The following LRRC7 variants were observed in gnomAD, a reference collection of about 807,000 sequenced individuals.
LRRC7 encodes the protein leucine-rich repeat-containing protein 7.
Under a neutral mutation model 175.7 loss-of-function variants are expected in LRRC7, and 23 were observed. That is an observed-to-expected ratio of 0.13 (90% confidence interval 0.09 to 0.19). The LOEUF (loss-of-function observed/expected upper bound fraction) is 0.19, where lower values mean the gene tolerates loss of function less well. Ranked by LOEUF, LRRC7 falls within the 10% of genes least tolerant of loss-of-function variation. The pLI is 1.00. For missense variants in LRRC7, 1,354 were observed against 1,904.7 expected (o/e 0.71, Z 5.38); for synonymous variants, 685 against 680.9 (o/e 1.01, Z -0.09).
At chr1:69,981,205 G>A (rs952064452) in intron 9 of LRRC7, among the ~76,000 whole-genome samples, 2 of 152,144 alleles carry the variant, frequency 1.3e-5, no homozygotes, top group African/African-American at 4.8e-5. Context: ...CCTGGCATTG[G>A]TCTAAGTAGC....
chr1:69,854,191 A>C (rs1355218510), intron 7 of LRRC7, among the ~76,000 whole-genome samples: 2 of 152,132 alleles, frequency 1.3e-5, no homozygotes, highest in Non-Finnish European at 2.9e-5. Context: ...TGTATTACTA[A>C]ACAAATAAGA....
At chr1:70,081,793 C>G (rs1663232525) in intron 24 of LRRC7, among the ~76,000 whole-genome samples, 1 of 152,152 alleles carries the variant, frequency 6.6e-6, no homozygotes, top group Non-Finnish European at 1.5e-5. Context: ...ATGGCAGGAG[C>G]CCAACCAACC....
At chr1:69,902,641 A>G (rs552393068) in intron 7 of LRRC7, among the ~76,000 whole-genome samples, 3 of 152,330 alleles carry the variant, frequency 2.0e-5, no homozygotes, top group Non-Finnish European at 4.4e-5. Flanking sequence ...GTACAAAAGT[A>G]AAGAGACTAG....
chr1:69,931,484 G>A lies in LRRC7; in HGVS notation c.648-23G>A, dbSNP rs1428262594. ...ATGTATCATGCACTACCTCACAATA[G>A]TATTTTTCTCCATCTGTTGTAGGTC... On this transcript the variant is annotated intron_variant, in intron 7 of 26. Coordinates refer to ENST00000651989, the MANE Select transcript of LRRC7 (RefSeq NM_001370785.2). 2.5e-6 allele frequency: 4 copies of A among 1,601,556 alleles called. 1 individual carries two copies. The highest frequency in any genetic ancestry group is 2.2e-5 in the East Asian group (1 of 44,768).
intron 8 of LRRC7, among the ~76,000 whole-genome samples, chr1:69,945,977 C>A (rs2101809941): frequency 6.6e-6 from 1 of 152,146 alleles, no homozygotes; most frequent in African/African-American, 2.4e-5. Flanking sequence ...CTTTTTCTTG[C>A]CTAATTTCTA....
At chr1:69,995,686 G>A (rs1013672017) in intron 11 of LRRC7, among the ~76,000 whole-genome samples, 3 of 152,022 alleles carry the variant, frequency 2.0e-5, no homozygotes, top group Admixed American at 1.3e-4. Flanking sequence ...AGTTTACTCA[G>A]AATGATGATT....
In LRRC7 at chr1:70,128,527, T is replaced by G. The variant is rs1472465120; in HGVS notation, c.*6640T>G. 1 of 152,228 alleles carries G rather than the reference T, an allele frequency of 6.6e-6. No homozygotes were observed. Among genetic ancestry groups the G allele is most frequent in the Non-Finnish European group, 1.5e-5 (1 of 68,038 alleles). 9.4% of individuals were successfully genotyped at this position (152,228 alleles called of 1,614,324 possible). A position where few individuals can be genotyped will look rare whatever the true frequency, so the allele number is the denominator to read the frequency against. On this transcript the variant is annotated 3_prime_UTR_variant, in exon 27 of 27. Transcript: ENST00000651989. ...TTATTTTCATAGCAAACTCTTGTAC[T>G]TCCTCCACAGGAAAACATTTACTGT... is the stretch of plus-strand genomic sequence containing the variant.
chr1:70,039,554 A>G lies in LRRC7; in HGVS notation c.3730A>G (p.Ser1244Gly). 2 of 1,614,154 alleles carry G rather than the reference A, an allele frequency of 1.2e-6. No individual in the cohort carries two copies. Among genetic ancestry groups the G allele is most frequent in the Non-Finnish European group, 1.7e-6 (2 of 1,180,018 alleles). The change falls in exon 21 of 27, where the codon AGT becomes GGT. Residue 1244 changes from serine to glycine, a missense_variant. By Grantham distance (56) the Ser-to-Gly change is moderately conservative (BLOSUM62 0). Around this residue, in one of 4 missense-constraint regions of LRRC7, gnomAD observed 1,032 missense variants for 1,227.2 expected, o/e 0.84. Transcript: ENST00000651989. The stretch of plus-strand genomic sequence containing the variant: ...GAGGCCATTGTCTGCGAGAAGCTAC[A>G]GTACAGAGAGTTACGGTGCCTCCCA... ...QRRPLSARSY[S>G]TESYGASQTR...
intron 26 of LRRC7, among the ~76,000 whole-genome samples, chr1:70,118,809 T>G (rs1666030264): frequency 6.6e-6 from 1 of 152,156 alleles, no homozygotes; most frequent in Admixed American, 6.5e-5. Flanking sequence ...GGGAAGGTAT[T>G]GGCAAGTAAG....
chr1:69,950,616 C>CATCTTTATTAATAACAAAAAAATA (rs1649816342), intron 8 of LRRC7, among the ~76,000 whole-genome samples: 1 of 151,978 alleles, frequency 6.6e-6, no homozygotes, highest in Non-Finnish European at 1.5e-5. Flanking sequence ...ATGAGTTAAT[C>CATCTTTATTAATAACAAAAAAATA]AACATTTTTA....
intron 1 of LRRC7, among the ~76,000 whole-genome samples, chr1:69,632,453 T>C (rs1288242034): frequency 6.6e-6 from 1 of 152,210 alleles, no homozygotes; most frequent in Non-Finnish European, 1.5e-5. Flanking sequence ...AAATTGTATT[T>C]AATTTTGATT....
chr1:69,950,962 CT>C (rs1457388022), intron 8 of LRRC7, among the ~76,000 whole-genome samples: 2 of 151,788 alleles, frequency 1.3e-5, no homozygotes, highest in Non-Finnish European at 2.9e-5. Context: ...TTTGAATTGC[CT>C]TTGGAACACA....
At chr1:69,948,076 C>A (rs957297127) in intron 8 of LRRC7, among the ~76,000 whole-genome samples, 2 of 152,046 alleles carry the variant, frequency 1.3e-5, no homozygotes, top group Non-Finnish European at 2.9e-5. Context: ...TGACTCACAT[C>A]CCAGGAGAGA....
intron 2 of LRRC7, among the ~76,000 whole-genome samples, chr1:69,724,207 G>T (rs1188258610): frequency 6.6e-6 from 1 of 152,120 alleles, no homozygotes; most frequent in Non-Finnish European, 1.5e-5. Flanking sequence ...TAAGTGTTGG[G>T]AATAAAGCAG....
chr1:69,608,850 CTCTCTCTCTCTCTCTCTATATA>C (rs1179492401), intron 1 of LRRC7, among the ~76,000 whole-genome samples: 645 of 48,414 alleles, frequency 0.013, 1 homozygote, highest in South Asian at 0.023. Flanking sequence ...CTCTCTCTCT[CTCTCTCTCTCTCTCTCTATATA>C]TATATATATA....
rs780110140 is a variant in LRRC7 at position 70,039,650 on chromosome 1, G to C, written c.3826G>C (p.Gly1276Arg). 2 of 1,614,050 alleles carry C rather than the reference G, an allele frequency of 1.2e-6. No individual in the cohort carries two copies. The highest frequency in any genetic ancestry group is 8.5e-7 in the Non-Finnish European group (1 of 1,180,006). ...AAAAATACCATCTGACTATAACTTG[G>C]GTAACTATGGTGACAAGCCATCAGA... Reference protein sequence around the residue: ...LEKIPSDYNLGNYGDKPSDNS... With the variant: ...LEKIPSDYNLRNYGDKPSDNS... Residue 1276 changes from glycine to arginine, a missense_variant, in exon 21 of 27, where the codon GGT becomes CGT. By Grantham distance (125) the Gly-to-Arg change is moderately radical. Around this residue, in one of 4 missense-constraint regions of LRRC7, gnomAD observed 1,032 missense variants for 1,227.2 expected, o/e 0.84. Coordinates refer to ENST00000651989, the MANE Select transcript of LRRC7 (RefSeq NM_001370785.2).
chr1:70,094,162 T>C (rs573595477), intron 25 of LRRC7, among the ~76,000 whole-genome samples: 3 of 152,262 alleles, frequency 2.0e-5, no homozygotes, highest in Non-Finnish European at 4.4e-5. Context: ...AGTATCAAAA[T>C]GAAAGCTGTT....
chr1:69,928,866 A>T (rs1173521772), intron 7 of LRRC7, among the ~76,000 whole-genome samples: 1 of 152,214 alleles, frequency 6.6e-6, no homozygotes, highest in African/African-American at 2.4e-5. Context: ...TTGGTACCTC[A>T]GATGGAAATG....
At chr1:69,865,305 C>G (rs1684789138) in intron 7 of LRRC7, among the ~76,000 whole-genome samples, 2 of 151,824 alleles carry the variant, frequency 1.3e-5, no homozygotes, top group Admixed American at 6.6e-5. Flanking sequence ...GTTTCAGGCA[C>G]TCGGTTGCAT....
Sources: allele counts gnomAD v4.1 joint callset (sites outside exome capture counted in the v4.1 genomes callset), GRCh38; gene constraint gnomAD v4.1.1; regional missense constraint gnomAD v4.1.1; transcripts MANE v1.5; gene names NCBI Gene and HGNC (gene_info 2026-07-23, HGNC 2026-07-21).